Variants in GRB2 observed in about 807,000 individuals in gnomAD.
The protein encoded by GRB2 is growth factor receptor-bound protein 2.
In GRB2, 2 loss-of-function variants were observed where a neutral mutation model predicts 27.4. The observed-to-expected ratio is 0.07, with a 90% CI of 0.03 to 0.23. The LOEUF is 0.23. Among genes scored for constraint, GRB2 ranks in the 10% least tolerant of loss-of-function variants. The probability of loss-of-function intolerance (pLI) is 1.00; values close to 1 mark genes in which losing one functional copy is unlikely to be tolerated. For synonymous variants in GRB2, 94 were observed against 99.6 expected (o/e 0.94, Z 0.33); for missense variants, 102 against 282.4 (o/e 0.36, Z 4.58).
At chr17:75,376,760 G>A (rs1249196078) in intron 2 of GRB2, among the ~76,000 whole-genome samples, 2 of 152,098 alleles carry the variant, frequency 1.3e-5, no homozygotes, top group East Asian at 1.9e-4. Context: ...CCAGCACTTT[G>A]GGAGGCCAAG....
At chr17:75,404,646 GGAGA>G (rs2079086917) in intron 1 of GRB2, among the ~76,000 whole-genome samples, 1 of 151,998 alleles carries the variant, frequency 6.6e-6, no homozygotes, top group Admixed American at 6.6e-5. Context: ...GGAAATAACT[GGAGA>G]AAGAGGAGTA....
At chr17:75,400,858 A>C (rs1021413406) in intron 1 of GRB2, among the ~76,000 whole-genome samples, 4 of 152,140 alleles carry the variant, frequency 2.6e-5, no homozygotes, top group Non-Finnish European at 5.9e-5. Flanking sequence ...TCTCACTGAA[A>C]CAATGAGACA....
intron 1 of GRB2, among the ~76,000 whole-genome samples, chr17:75,398,002 T>C (rs1019396793): frequency 7.3e-5 from 11 of 151,708 alleles, no homozygotes; most frequent in Non-Finnish European, 1.6e-4. Flanking sequence ...CCACCAAGCC[T>C]GGCTAACTTT....
At chr17:75,356,633 T>C (rs2078735569) in intron 2 of GRB2, among the ~76,000 whole-genome samples, 1 of 152,208 alleles carries the variant, frequency 6.6e-6, no homozygotes, top group Non-Finnish European at 1.5e-5. Flanking sequence ...CCATCCTCTC[T>C]GAACCAGCTT....
chr17:75,348,025 A>G (rs2078666054), intron 2 of GRB2, among the ~76,000 whole-genome samples: 1 of 152,190 alleles, frequency 6.6e-6, no homozygotes, highest in Non-Finnish European at 1.5e-5. Flanking sequence ...AGAGCCAAAC[A>G]ATTCTGTTCT....
At chr17:75,363,971 T>G (rs2078803487) in intron 2 of GRB2, among the ~76,000 whole-genome samples, 1 of 150,502 alleles carries the variant, frequency 6.6e-6, no homozygotes. Flanking sequence ...AGAGCCAACC[T>G]CTGCACAAAC....
chr17:75,325,433 T>G (rs1040856931), intron 4 of GRB2, among the ~76,000 whole-genome samples: 2 of 152,176 alleles, frequency 1.3e-5, no homozygotes, highest in African/African-American at 4.8e-5. Context: ...CTTTCACACC[T>G]GAACTTTCCA....
At position 75,327,993 on chromosome 17, in the gene GRB2, G is replaced by T. The variant is rs536385085; in HGVS notation, c.177-1973C>A. On this transcript the variant is annotated intron_variant, in intron 3 of 5. Transcript: ENST00000316804. Reference sequence around the variant, plus strand: ...TGCCTGGAAATCAGGCCACACAAGAGAAATCACATATCACTAGAATAGAAT... The same window carrying T: ...TGCCTGGAAATCAGGCCACACAAGATAAATCACATATCACTAGAATAGAAT... Among the ~76,000 whole-genome samples the T allele has an allele frequency of 4.1e-5, 6 of 146,180 alleles. No individual in the cohort carries two copies. The East Asian group carries it at 7.7e-4, about 19-fold the overall frequency.
At chr17:75,326,140 C>T in intron 3 of GRB2, 120 bp from the exon 4 acceptor site, 1 of 1,180,576 alleles carries the variant, frequency 8.5e-7, no homozygotes, top group South Asian at 1.3e-5. Context: ...CCTCCTCATC[C>T]TCCAGCCTCA....
At chr17:75,376,323 TGACA>T (rs1350711156) in intron 2 of GRB2, among the ~76,000 whole-genome samples, 1 of 121,964 alleles carries the variant, frequency 8.2e-6, no homozygotes, top group East Asian at 2.7e-4. Context: ...CCAGCCTGGG[TGACA>T]GACAGAGACT....
intron 2 of GRB2, among the ~76,000 whole-genome samples, chr17:75,386,132 T>G (rs1340173203): frequency 6.6e-6 from 1 of 152,170 alleles, no homozygotes; most frequent in African/African-American, 2.4e-5. Context: ...TTCTTTTTTT[T>G]TTTGGAGACG....
chr17:75,388,428 T>G (rs1032591630), intron 2 of GRB2, among the ~76,000 whole-genome samples: 1 of 151,932 alleles, frequency 6.6e-6, no homozygotes, highest in African/African-American at 2.4e-5. Context: ...TCTTAAAGAT[T>G]AAATGCAATA....
chr17:75,325,165 T>C (rs1241923653), intron 4 of GRB2, among the ~76,000 whole-genome samples: 2 of 152,206 alleles, frequency 1.3e-5, no homozygotes, highest in Admixed American at 6.5e-5. Flanking sequence ...TAAGTAGTGA[T>C]CTGAGTGTTG....
chr17:75,401,259 C>CAAGGTGAAA (rs1381915967), intron 1 of GRB2, among the ~76,000 whole-genome samples: 2 of 151,694 alleles, frequency 1.3e-5, no homozygotes, highest in Non-Finnish European at 2.9e-5. Flanking sequence ...TCCTGGCTAA[C>CAAGGTGAAA]AAGGTGAAAC....
intron 5 of GRB2, 42 bp downstream of exon 5, chr17:75,321,617 T>A: frequency 4.4e-6 from 7 of 1,592,868 alleles, no homozygotes; most frequent in Non-Finnish European, 5.2e-6. Context: ...GAGGAGCTAT[T>A]CTTAACTAAA....
rs2078556656 is a variant in GRB2, at chr17:75,333,702, T to C, written c.79-905A>G. Among the ~76,000 whole-genome samples, 2 of 152,110 alleles carry C rather than the reference T, an allele frequency of 1.3e-5. 1 individual carries two copies. On this transcript the variant is annotated intron_variant, in intron 2 of 5. Coordinates refer to ENST00000316804, the MANE Select transcript of GRB2 (RefSeq NM_002086.5). Reference sequence around the variant, plus strand: ...ACCATATGCCCTCGTATGGGAAAACTATTTTCAGGAAAAAGCATGGCAAAT... The same window carrying C: ...ACCATATGCCCTCGTATGGGAAAACCATTTTCAGGAAAAAGCATGGCAAAT...
At position 75,370,377 on chromosome 17, in the gene GRB2, C is replaced by T. The variant is rs116297204; in HGVS notation, c.78+23174G>A. ...AATACGAAGGCTTTCCAAACTCTGA[C>T]TAAGAGAGAATTTGTACCACTTGTT... On this transcript the variant is annotated intron_variant, in intron 2 of 5. Transcript: ENST00000316804. Among the ~76,000 whole-genome samples the T allele has an allele frequency of 9.5e-3, 1,443 of 152,310 alleles. 27 individuals are homozygous for T. The highest frequency in any genetic ancestry group is 0.048 in the South Asian group (234 of 4,830).
intron 2 of GRB2, among the ~76,000 whole-genome samples, chr17:75,382,701 A>G (rs1167541259): frequency 2.2e-5 from 2 of 92,160 alleles, no homozygotes; most frequent in Admixed American, 2.6e-4. Context: ...GCATCCTAAG[A>G]TTTTTATTTA....
At chr17:75,388,195 C>T (rs143311603) in intron 2 of GRB2, among the ~76,000 whole-genome samples, 688 of 152,166 alleles carry the variant, frequency 4.5e-3, no homozygotes, top group African/African-American at 0.016. Context: ...ATCCCGGGTT[C>T]AAGCGATTCT....
Sources: gnomAD v4.1 joint callset for allele counts (sites outside exome capture counted in the v4.1 genomes callset) on GRCh38, gnomAD v4.1.1 for gene constraint, MANE v1.5 for transcripts, NCBI Gene and HGNC (gene_info 2026-07-23, HGNC 2026-07-21) for gene names.